ZNF93: variants seen among roughly 807,000 people sequenced by gnomAD.
ZNF93 encodes the protein zinc finger protein 93.
In ZNF93, 29 loss-of-function variants were observed where a neutral mutation model predicts 45.0. The observed-to-expected ratio is 0.64, with a 90% CI of 0.48 to 0.88. The LOEUF is 0.88. ZNF93 is among the 40% of genes least tolerant of loss of function. The pLI is 0.00. For missense variants in ZNF93, 578 were observed against 724.0 expected, an observed-to-expected ratio of 0.80 and a Z score of 2.31; for synonymous variants, 223 against 244.6, an observed-to-expected ratio of 0.91 and a Z score of 0.82.
intron 1 of ZNF93, chr19:19,908,408 C>T (rs1311131968): frequency 6.6e-6 from 1 of 152,144 alleles, no homozygotes; most frequent in Non-Finnish European, 1.5e-5. Context: ...TCATAATGCT[C>T]ATGTTTCTCA....
At chr19:19,924,557 G>A (rs941706013) in intron 3 of ZNF93, among the ~76,000 whole-genome samples, 1 of 151,676 alleles carries the variant, frequency 6.6e-6, no homozygotes, top group East Asian at 1.9e-4. Flanking sequence ...CATTTCCTCA[G>A]GTAACTGTGT....
intron 3 of ZNF93, among the ~76,000 whole-genome samples, chr19:19,919,566 T>C (rs966645510): frequency 5.9e-5 from 9 of 152,234 alleles, no homozygotes; most frequent in Non-Finnish European, 1.0e-4. Flanking sequence ...TTCATGATAT[T>C]GATTCTTCCT....
chr19:19,932,890 A>G (rs1473827078), intron 3 of ZNF93: 1 of 188,370 alleles, frequency 5.3e-6, no homozygotes, highest in East Asian at 1.2e-4. Context: ...TTTGAAAGAC[A>G]TTGCATTAAA....
Position 19,935,268 on chromosome 19 carries a change from A to T in ZNF93, c.*450A>T, listed in dbSNP as rs2063389553. 2 of 164,164 alleles carry T rather than the reference A, an allele frequency of 1.2e-5. No homozygotes were observed. Among genetic ancestry groups the T allele is most frequent in the South Asian group, 3.2e-4 (2 of 6,206 alleles). The allele number at this position is 164,164 out of a possible 1,614,324, so 10.2% of individuals were successfully genotyped here. A position where few individuals can be genotyped will look rare whatever the true frequency, so the allele number is the denominator to read the frequency against. On this transcript the variant is annotated 3_prime_UTR_variant, in exon 4 of 4. Transcript: ENST00000343769. ...TGTCCAAAACTAAAATGAAGATTTC[A>T]ACTCCCCAACCCCCTCTAACAAGCC...
intron 3 of ZNF93, among the ~76,000 whole-genome samples, chr19:19,921,606 G>C (rs957854375): frequency 2.0e-5 from 3 of 152,100 alleles, no homozygotes; most frequent in African/African-American, 7.2e-5. Context: ...CTAAGGACTT[G>C]CTTTATGAAT....
intron 1 of ZNF93, among the ~76,000 whole-genome samples, chr19:19,912,023 A>AC (rs2063310028): frequency 6.6e-6 from 1 of 152,106 alleles, no homozygotes; most frequent in South Asian, 2.1e-4. Context: ...TCTTGAGATT[A>AC]CAAGCATGAC....
intron 1 of ZNF93, among the ~76,000 whole-genome samples, chr19:19,904,072 A>G (rs914683755): frequency 6.6e-6 from 1 of 151,816 alleles, no homozygotes; most frequent in African/African-American, 2.4e-5. Context: ...AAAAAAAAAA[A>G]AAAAGAAATA....
At chr19:19,925,370 C>G (rs1488029503) in intron 3 of ZNF93, among the ~76,000 whole-genome samples, 1 of 152,112 alleles carries the variant, frequency 6.6e-6, no homozygotes, top group Non-Finnish European at 1.5e-5. Context: ...CTTAATGTAC[C>G]GTGGAGCTGT....
chr19:19,907,481 A>G (rs2063296113), intron 1 of ZNF93, among the ~76,000 whole-genome samples: 1 of 152,092 alleles, frequency 6.6e-6, no homozygotes, highest in African/African-American at 2.4e-5. Flanking sequence ...CTTCAGAACA[A>G]TTAGCATAGT....
intron 1 of ZNF93, among the ~76,000 whole-genome samples, chr19:19,901,945 C>T (rs2063273211): frequency 6.6e-6 from 1 of 152,124 alleles, no homozygotes; most frequent in South Asian, 2.1e-4. Context: ...CAAAAATTAG[C>T]CGGGATTGGT....
chr19:19,925,039 G>C (rs1406146135), intron 3 of ZNF93, among the ~76,000 whole-genome samples: 1 of 152,186 alleles, frequency 6.6e-6, no homozygotes, highest in Non-Finnish European at 1.5e-5. Flanking sequence ...CCTTTATTCA[G>C]GTCTCTGGAA....
intron 3 of ZNF93, chr19:19,927,352 T>C: frequency 2.5e-6 from 1 of 396,352 alleles, no homozygotes. Flanking sequence ...AGTGAGACCC[T>C]ATCTCAAAAA....
chr19:19,905,505 T>C lies in ZNF93; in HGVS notation c.3+4414T>C, dbSNP rs111804024. ...TGCATTAGTTTTCTAAGAATAATGG[T>C]CTCCAGCTTCATCAAAGTTATTGCA... On this transcript the variant is annotated intron_variant, in intron 1 of 3. Coordinates refer to ENST00000343769, the MANE Select transcript of ZNF93 (RefSeq NM_031218.4). Among the ~76,000 whole-genome samples, 876 of 152,322 alleles carry C rather than the reference T, an allele frequency of 5.8e-3. 5 individuals are homozygous for C. The highest frequency in any genetic ancestry group is 0.042 in the South Asian group (203 of 4,830).
chr19:19,933,448 A>G lies in ZNF93; in HGVS notation c.493A>G (p.Ile165Val), dbSNP rs1198500338. ...HKFSNSNRHN[I>V]RHTEKKPFKC... is the part of the protein sequence containing the mutation. ...ATTTTCAAATTCAAATAGACATAAT[A>G]TAAGACATACTGAAAAAAAACCTTT... Residue 165 changes from isoleucine (I) to valine (V), a missense_variant, in exon 4 of 4, where the codon ATA (isoleucine) becomes GTA (valine). Around this residue, in one of 3 missense-constraint regions of ZNF93, gnomAD observed 446 missense variants for 547.6 expected, o/e 0.81. Coordinates refer to ENST00000343769, the MANE Select transcript of ZNF93 (RefSeq NM_031218.4). The G allele has an allele frequency of 6.2e-7, 1 of 1,603,034 alleles. No individual in the cohort carries two copies. Among genetic ancestry groups the G allele is most frequent in the African/African-American group, 1.3e-5 (1 of 74,330 alleles).
chr19:19,910,122 A>G (rs2063303623), intron 1 of ZNF93, among the ~76,000 whole-genome samples: 1 of 152,170 alleles, frequency 6.6e-6, no homozygotes, highest in Non-Finnish European at 1.5e-5. Context: ...TCCTCTTGCT[A>G]AATGCTCACA....
intron 3 of ZNF93, among the ~76,000 whole-genome samples, chr19:19,918,193 A>G (rs769001701): frequency 2.0e-4 from 30 of 151,874 alleles, no homozygotes; most frequent in Non-Finnish European, 3.2e-4. Context: ...GAATGAGAAC[A>G]TGCGGTGTTT....
Position 19,928,470 on chromosome 19 carries a change from AGTTTTATTCAG to A in ZNF93, c.227-4703_227-4693del, listed in dbSNP as rs539042559. On this transcript the variant is annotated intron_variant, in intron 3 of 3. Coordinates refer to ENST00000343769, the MANE Select transcript of ZNF93 (RefSeq NM_031218.4). Reference sequence around the variant, plus strand: ...GTTTGACTTTTGCTTTTTAATTTCTAGTTTTATTCAGGTTTTATTAGAAAACAACCCAGTGC... The same window carrying A: ...GTTTGACTTTTGCTTTTTAATTTCTAGTTTTATTAGAAAACAACCCAGTGC... Among the ~76,000 whole-genome samples, 356 of 152,264 alleles carry A rather than the reference AGTTTTATTCAG, an allele frequency of 2.3e-3. 3 individuals carry two copies. Among genetic ancestry groups the A allele is most frequent in the African/African-American group, 8.4e-3 (348 of 41,572 alleles).
chr19:19,906,224 C>T (rs1050439943), intron 1 of ZNF93, among the ~76,000 whole-genome samples: 1 of 152,108 alleles, frequency 6.6e-6, no homozygotes, highest in Non-Finnish European at 1.5e-5. Flanking sequence ...TAAAAATAGC[C>T]ATTCTGACTG....
intron 2 of ZNF93, 81 bp from the exon 3 acceptor site, chr19:19,916,479 C>T: frequency 1.9e-6 from 2 of 1,061,594 alleles, no homozygotes; most frequent in Non-Finnish European, 2.8e-6. Flanking sequence ...TATTTTATCA[C>T]ATCGTCTTTG....
Sources: allele counts gnomAD v4.1 joint callset (sites outside exome capture counted in the v4.1 genomes callset), GRCh38; gene constraint gnomAD v4.1.1; regional missense constraint gnomAD v4.1.1; transcripts MANE v1.5; gene names NCBI Gene and HGNC (gene_info 2026-07-23, HGNC 2026-07-21).